ZNF613: variants seen among roughly 807,000 people sequenced by gnomAD.
The protein encoded by ZNF613 is zinc finger protein 613.
Under a neutral mutation model 14.3 loss-of-function variants are expected in ZNF613, and 8 were observed. That is an observed-to-expected ratio of 0.56 (90% confidence interval 0.33 to 1.01). ZNF613 has a LOEUF of 1.01. Among genes scored for constraint, ZNF613 ranks in the 50% least tolerant of loss-of-function variants. ZNF613 has a pLI of 0.03. For missense variants in ZNF613, 656 were observed against 741.9 expected (o/e 0.88, Z 1.35); for synonymous variants, 228 against 254.5 (o/e 0.90, Z 0.99).
At chr19:51,940,548 A>G in intron 4 of ZNF613, 69 bp from the exon 5 acceptor site, 1 of 1,528,618 alleles carries the variant, frequency 6.5e-7, no homozygotes, top group Non-Finnish European at 8.9e-7. Flanking sequence ...AAAACAGAAC[A>G]TGGTCCCATG....
At chr19:51,932,958 G>A (rs1053353513) in intron 2 of ZNF613, among the ~76,000 whole-genome samples, 7 of 152,148 alleles carry the variant, frequency 4.6e-5, no homozygotes, top group African/African-American at 1.7e-4. Context: ...AGGATTACAG[G>A]TGTGAGCCAC....
chr19:51,940,113 G>A (rs1170748611), intron 3 of ZNF613, 96 bp from the exon 4 acceptor site: 1 of 1,499,796 alleles, frequency 6.7e-7, no homozygotes, highest in East Asian at 2.4e-5. Flanking sequence ...TATAGATGCA[G>A]ACTATTTGGT....
Position 51,945,036 on chromosome 19 carries a change from G to T in ZNF613, c.1153G>T (p.Gly385Ter), listed in dbSNP as rs2085385313. 6.2e-7 allele frequency: 1 copy of T among 1,613,986 alleles called. No individual in the cohort carries two copies. The highest frequency in any genetic ancestry group is 8.5e-7 in the Non-Finnish European group (1 of 1,179,996). The change falls in exon 6 of 6, where the codon GGA becomes TGA. Residue 385 changes from glycine (G) to a stop codon, truncating the protein, a stop_gained. Transcript: ENST00000293471. LOFTEE classifies it low-confidence loss of function (END_TRUNC). The stretch of plus-strand genomic sequence containing the variant: ...TTGTGGAAAAGGCTTCATTCAGAAG[G>T]GAAATCTCATTGTACATCAGCGAAT... ...RDCGKGFIQK[G>*]NLIVHQRIHT...
At chr19:51,942,370 G>A (rs2085356351) in intron 5 of ZNF613, among the ~76,000 whole-genome samples, 1 of 152,184 alleles carries the variant, frequency 6.6e-6, no homozygotes, top group Non-Finnish European at 1.5e-5. Flanking sequence ...AATGTCTTGT[G>A]GTGAAAAATG....
Position 51,944,107 on chromosome 19 carries a change from C to G in ZNF613, c.236-12C>G. 1 of 1,517,628 alleles carries G rather than the reference C, an allele frequency of 6.6e-7. No individual in the cohort carries two copies. The highest frequency in any genetic ancestry group is 8.8e-7 in the Non-Finnish European group (1 of 1,135,428). The allele number at this position is 1,517,628 out of a possible 1,614,324, so 94.0% of individuals were successfully genotyped here. A position where few individuals can be genotyped will look rare whatever the true frequency, so the allele number is the denominator to read the frequency against. The stretch of plus-strand genomic sequence containing the variant: ...TGCTCATGGAAAGATTTATTGTTCT[C>G]TTCTTTCCTAGAAATCAAGAAAGTT... On this transcript the variant is annotated splice_polypyrimidine_tract_variant and intron_variant, in intron 5 of 5. Transcript: ENST00000293471.
At chr19:51,938,725 G>GATATATATATATATATATATATATATAT (rs113608259) in intron 3 of ZNF613, among the ~76,000 whole-genome samples, 2 of 118,898 alleles carry the variant, frequency 1.7e-5, no homozygotes, top group African/African-American at 4.0e-5. Context: ...AATGTACATG[G>GATATATATATATATATATATATATATAT]ATATATATAT....
chr19:51,940,202 A>G lies in ZNF613; in HGVS notation c.16-7A>G. The stretch of plus-strand genomic sequence containing the variant: ...ACTTCATATTAAGCAGGACTCTCTT[A>G]TTACAGGAATCACTGACCCTGGAGG... On this transcript the variant is annotated splice_polypyrimidine_tract_variant and splice_region_variant and intron_variant, in intron 3 of 5. Transcript: ENST00000293471. The G allele has an allele frequency of 6.2e-7, 1 of 1,613,088 alleles. No homozygotes were observed. Among genetic ancestry groups the G allele is most frequent in the Non-Finnish European group, 8.5e-7 (1 of 1,179,358 alleles).
chr19:51,935,901 G>A, intron 2 of ZNF613, 127 bp from the exon 3 acceptor site: 1 of 303,854 alleles, frequency 3.3e-6, no homozygotes, highest in South Asian at 1.5e-4. Context: ...CCCAGGGTGG[G>A]TTAAAACTTC....
At chr19:51,938,274 TTTC>T (rs1458789503) in intron 3 of ZNF613, among the ~76,000 whole-genome samples, 1 of 152,068 alleles carries the variant, frequency 6.6e-6, no homozygotes, top group Non-Finnish European at 1.5e-5. Flanking sequence ...TTTTTTCATT[TTTC>T]TTCTTTTTCT....
chr19:51,940,830 C>T (rs1464167584), intron 5 of ZNF613, 121 bp downstream of exon 5: 1 of 559,476 alleles, frequency 1.8e-6, no homozygotes, highest in Non-Finnish European at 2.9e-6. Flanking sequence ...ATGTATCCCT[C>T]TCCCCACACA....
intron 2 of ZNF613, among the ~76,000 whole-genome samples, chr19:51,933,944 A>G (rs2085286607): frequency 1.3e-5 from 2 of 152,048 alleles, no homozygotes; most frequent in African/African-American, 4.8e-5. Context: ...GACTACAGAC[A>G]TGTGCCACCA....
At chr19:51,937,382 A>G (rs916723484) in intron 3 of ZNF613, among the ~76,000 whole-genome samples, 1 of 152,184 alleles carries the variant, frequency 6.6e-6, no homozygotes, top group African/African-American at 2.4e-5. Context: ...TTGGACACCT[A>G]TTGGGTGTTA....
rs138006936 is a variant in ZNF613, at chr19:51,944,922, A to C, written c.1039A>C (p.Thr347Pro). Residue 347 changes from threonine (T) to proline (P), a missense_variant, in exon 6 of 6, where the codon ACT becomes CCT. Transcript: ENST00000293471. ...TACAGGAGAGAAACCCTATGAATGC[A>C]CTGAATGTGACAAAGCATTCCGCTG... The part of the protein sequence containing the change: ...THTGEKPYEC[T>P]ECDKAFRWKS... 9.7e-5 allele frequency: 157 copies of C among 1,613,912 alleles called. No individual in the cohort carries two copies. The highest frequency in any genetic ancestry group is 1.3e-4 in the Non-Finnish European group (151 of 1,180,010).
intron 2 of ZNF613, among the ~76,000 whole-genome samples, chr19:51,930,640 A>G (rs2085257269): frequency 1.3e-5 from 2 of 152,192 alleles, no homozygotes; most frequent in Admixed American, 6.5e-5. Context: ...CCAGAATAGT[A>G]TTTCATGGTA....
intron 1 of ZNF613, chr19:51,928,074 T>C (rs1253891520): frequency 6.6e-6 from 1 of 151,834 alleles, no homozygotes; most frequent in Non-Finnish European, 1.5e-5. Flanking sequence ...TCTATCTATC[T>C]ATCTAATTTA....
intron 3 of ZNF613, among the ~76,000 whole-genome samples, chr19:51,939,369 C>T (rs943605850): frequency 6.6e-6 from 1 of 151,944 alleles, no homozygotes; most frequent in Admixed American, 6.6e-5. Context: ...CGCTCTGTCA[C>T]TCAGGCTGGA....
intron 2 of ZNF613, among the ~76,000 whole-genome samples, chr19:51,930,852 C>T (rs1265018792): frequency 6.6e-6 from 1 of 152,086 alleles, no homozygotes; most frequent in Non-Finnish European, 1.5e-5. Flanking sequence ...CAGACTTTTC[C>T]AAAGTGGCTG....
intron 5 of ZNF613, among the ~76,000 whole-genome samples, chr19:51,941,340 C>G (rs1390267491): frequency 6.6e-6 from 1 of 152,152 alleles, no homozygotes; most frequent in East Asian, 1.9e-4. Context: ...GCATCACTAC[C>G]TGTTCCTTCT....
intron 3 of ZNF613, among the ~76,000 whole-genome samples, chr19:51,939,940 T>G (rs937379362): frequency 6.6e-6 from 1 of 152,048 alleles, no homozygotes; most frequent in Non-Finnish European, 1.5e-5. Context: ...GCAAGAGGAT[T>G]AAATGATTGG....
Sources: gnomAD v4.1 joint callset for allele counts (sites outside exome capture counted in the v4.1 genomes callset) on GRCh38, gnomAD v4.1.1 for gene constraint, MANE v1.5 for transcripts, NCBI Gene and HGNC (gene_info 2026-07-23, HGNC 2026-07-21) for gene names.